Variants in SH3YL1 observed in about 807,000 individuals in gnomAD.
SH3YL1 encodes SH3 and SYLF domain containing 1.
Under a neutral mutation model 45.8 loss-of-function variants are expected in SH3YL1, and 41 were observed. That is an observed-to-expected ratio of 0.89 (90% CI 0.70 to 1.16). The LOEUF (loss-of-function observed/expected upper bound fraction) is 1.16. Among genes scored for constraint, SH3YL1 ranks in the 50% most tolerant of loss-of-function variants. The pLI is 0.00. For synonymous variants in SH3YL1, 152 were observed against 151.4 expected (o/e 1.00, Z -0.03); for missense variants, 389 against 409.6 (o/e 0.95, Z 0.43).
intron 1 of SH3YL1, chr2:261,000 T>A (rs527558976): frequency 5.3e-5 from 8 of 152,358 alleles, no homozygotes; most frequent in Non-Finnish European, 1.0e-4. Flanking sequence ...GTCACTGTGA[T>A]CCAGCTGTTG....
intron 6 of SH3YL1, chr2:232,801 C>T (rs2103027388): frequency 5.8e-6 from 1 of 171,788 alleles, no homozygotes; most frequent in South Asian, 1.9e-4. Flanking sequence ...TGGTGATTAT[C>T]ATCATATATG....
chr2:236,608 T>C (rs1260308989), intron 4 of SH3YL1, among the ~76,000 whole-genome samples: 1 of 152,184 alleles, frequency 6.6e-6, no homozygotes, highest in Non-Finnish European at 1.5e-5. Flanking sequence ...GGAAAATGGG[T>C]GTAATAATAG....
At chr2:241,591 C>G (rs897168897) in intron 4 of SH3YL1, 7 of 152,074 alleles carry the variant, frequency 4.6e-5, no homozygotes, top group Non-Finnish European at 1.0e-4. Flanking sequence ...AGATAACACT[C>G]TGGATAGATA....
chr2:219,062 C>A, intron 9 of SH3YL1, 61 bp from the exon 10 acceptor site: 1 of 1,421,302 alleles, frequency 7.0e-7, no homozygotes, highest in Non-Finnish European at 9.6e-7. Flanking sequence ...GGGGTATCTG[C>A]TGGTAAGATA....
chr2:229,792 AGCAATG>A (rs1667953199), intron 8 of SH3YL1, 168 bp downstream of exon 8: 1 of 462,314 alleles, frequency 2.2e-6, no homozygotes, highest in Non-Finnish European at 4.0e-6. Flanking sequence ...CATAAATTAT[AGCAATG>A]ACAATTTGTC....
At chr2:264,699 C>T, upstream of SH3YL1, 1 of 417,858 alleles carries the variant, frequency 2.4e-6, no homozygotes. Flanking sequence ...CTCCTCCGGA[C>T]AACCTGCAGC....
intron 1 of SH3YL1, chr2:263,450 C>T (rs546570045): frequency 6.4e-6 from 1 of 156,938 alleles, no homozygotes; most frequent in African/African-American, 2.4e-5. Context: ...CGACCCCGCG[C>T]TCGCCCTGTG....
At chr2:259,182 CCTAG>C in intron 1 of SH3YL1, among the ~76,000 whole-genome samples, 1 of 152,180 alleles carries the variant, frequency 6.6e-6, no homozygotes, top group East Asian at 1.9e-4. Flanking sequence ...TGTCCAGTTT[CCTAG>C]CTGTTTACCA....
intron 9 of SH3YL1, among the ~76,000 whole-genome samples, chr2:221,610 A>G (rs192564449): frequency 6.6e-4 from 101 of 152,228 alleles, no homozygotes; most frequent in African/African-American, 2.4e-3. Context: ...AGGGAAGGCC[A>G]CCACTGAAGG....
At position 249,586 on chromosome 2, in the gene SH3YL1, G is replaced by A. The variant is rs114582348; in HGVS notation, c.226+145C>T. 1,502 of 591,906 alleles carry A rather than the reference G, an allele frequency of 2.5e-3. 15 individuals carry two copies. Among genetic ancestry groups the A allele is most frequent in the African/African-American group, 0.024 (1,290 of 52,858 alleles). The allele number at this position is 591,906 out of a possible 1,614,324, so 36.7% of individuals were successfully genotyped here. A position where few individuals can be genotyped will look rare whatever the true frequency, so the allele number is the denominator to read the frequency against. ...GTGGCTTGTTCACTGACACCAAACTGCACGTTCAGTCGAGTAGCCCTTATT... is the reference window on the plus strand; with the variant it reads ...GTGGCTTGTTCACTGACACCAAACTACACGTTCAGTCGAGTAGCCCTTATT... On this transcript the variant is annotated intron_variant, in intron 3 of 9. Coordinates refer to ENST00000356150, the MANE Select transcript of SH3YL1 (RefSeq NM_015677.4).
rs768459773 is a variant in SH3YL1, at chr2:264,010, G to T, written c.-26C>A. ...GCTGCCCGCCCGGCCGCGGCGCCCC[G>T]TCCCGAGGCTGCCCAGGAAGAGGAA... is the stretch of plus-strand genomic sequence containing the variant. On this transcript the variant is annotated 5_prime_UTR_variant, in exon 1 of 10. Transcript: ENST00000356150. The T allele has an allele frequency of 3.0e-5, 43 of 1,440,076 alleles. No homozygotes were observed. The highest frequency in any genetic ancestry group is 1.3e-4 in the African/African-American group (9 of 67,046). The allele number at this position is 1,440,076 out of a possible 1,614,324, so 89.2% of individuals were successfully genotyped here.
chr2:221,693 A>G (rs974700110), intron 9 of SH3YL1, among the ~76,000 whole-genome samples: 14 of 152,128 alleles, frequency 9.2e-5, no homozygotes, highest in African/African-American at 1.4e-4. Flanking sequence ...CTTGTGCCCA[A>G]TTCCTCACCC....
chr2:260,898 C>A (rs994318251), intron 1 of SH3YL1: 1 of 151,866 alleles, frequency 6.6e-6, no homozygotes, highest in Non-Finnish European at 1.5e-5. Context: ...ATGGCCTGAT[C>A]TGTAAACACG....
At position 231,545 on chromosome 2, in the gene SH3YL1, T is replaced by C. The variant is rs1363978564; in HGVS notation, c.534-354A>G. On this transcript the variant is annotated intron_variant, in intron 6 of 9. Coordinates refer to ENST00000356150, the MANE Select transcript of SH3YL1 (RefSeq NM_015677.4). The stretch of plus-strand genomic sequence containing the variant: ...ATACACACAAGCACATACATTTTTA[T>C]AGGTTTTTACTTTTTAAATTTCTTT... 1.3e-5 allele frequency among the ~76,000 whole-genome samples: 2 copies of C among 152,252 alleles called. 1 individual carries two copies. The highest frequency in any genetic ancestry group is 4.8e-5 in the African/African-American group (2 of 41,464).
intron 1 of SH3YL1, chr2:261,101 C>T (rs927357748): frequency 2.6e-5 from 4 of 152,194 alleles, no homozygotes; most frequent in Non-Finnish European, 5.9e-5. Context: ...TAAAATCATG[C>T]GTGGTCATAG....
chr2:234,184 G>C lies in SH3YL1; in HGVS notation c.380C>G (p.Thr127Ser), dbSNP rs765371740. ...GGNLTLGGNL[T>S]VAVGPLGRNL... ...CCTTCCCAAGGGCCCAACCGCCACA[G>C]TCAAGTTCCCTCCGAGGGTCAGATT... Residue 127 changes from threonine (T) to serine (S), a missense_variant, in exon 5 of 10, where the codon ACT (threonine) becomes AGT (serine). By Grantham distance (58) the Thr-to-Ser change is moderately conservative. Coordinates refer to ENST00000356150, the MANE Select transcript of SH3YL1 (RefSeq NM_015677.4). 6.2e-7 allele frequency: 1 copy of C among 1,614,040 alleles called. No individual in the cohort carries two copies. Among genetic ancestry groups the C allele is most frequent in the African/African-American group, 1.3e-5 (1 of 75,034 alleles).
At chr2:244,667 C>CTG in intron 4 of SH3YL1, 1 of 152,024 alleles carries the variant, frequency 6.6e-6, no homozygotes, top group Non-Finnish European at 1.5e-5. Context: ...AAGGAAAACC[C>CTG]TGTGTGGTTA....
intron 4 of SH3YL1, among the ~76,000 whole-genome samples, chr2:235,307 G>A (rs1349355487): frequency 6.6e-6 from 1 of 152,234 alleles, no homozygotes; most frequent in Non-Finnish European, 1.5e-5. Flanking sequence ...AGTTAGAACT[G>A]AAAAATAATA....
At chr2:262,599 AG>A in intron 1 of SH3YL1, 1 of 1,304,246 alleles carries the variant, frequency 7.7e-7, no homozygotes, top group Non-Finnish European at 1.0e-6. Flanking sequence ...GTCTCAGAGC[AG>A]AGAATTTTGT....
Sources: gnomAD v4.1 joint callset for allele counts (sites outside exome capture counted in the v4.1 genomes callset) on GRCh38, gnomAD v4.1.1 for gene constraint, MANE v1.5 for transcripts, NCBI Gene and HGNC (gene_info 2026-07-23, HGNC 2026-07-21) for gene names.